STK33: variants seen among roughly 807,000 people sequenced by gnomAD.
STK33 encodes the protein serine/threonine-protein kinase 33.
A neutral mutation model predicts 58.0 loss-of-function variants in STK33; 52 were observed. The observed-to-expected ratio is 0.90, with a 90% confidence interval of 0.72 to 1.13. STK33 has a LOEUF of 1.13. Among genes scored for constraint, STK33 ranks in the 50% most tolerant of loss-of-function variants. The pLI, the probability that STK33 is intolerant of heterozygous loss-of-function variation, is 0.00. For synonymous variants in STK33, 215 were observed against 200.1 expected (o/e 1.07, Z -0.63); for missense variants, 630 against 604.2 (o/e 1.04, Z -0.45).
chr11:8,435,492 A>G lies in STK33; in HGVS notation c.1146+2T>C, dbSNP rs958782785. ...AAAGAAAAAAGTAATATTGTAACTTACTGTTAACCACTGGTTATCTAGTAG... is the reference window on the plus strand; with the variant it reads ...AAAGAAAAAAGTAATATTGTAACTTGCTGTTAACCACTGGTTATCTAGTAG... On this transcript the variant is annotated splice_donor_variant, in intron 14 of 15. Coordinates refer to ENST00000687296, the MANE Select transcript of STK33 (RefSeq NM_001352389.2). LOFTEE classifies it high-confidence loss of function. 5.0e-6 allele frequency: 7 copies of G among 1,411,842 alleles called. No individual in the cohort carries two copies. Among genetic ancestry groups the G allele is most frequent in the Non-Finnish European group, 5.7e-6 (6 of 1,060,622 alleles). 87.5% of individuals were successfully genotyped at this position (1,411,842 alleles called of 1,614,324 possible). A position where few individuals can be genotyped will look rare whatever the true frequency, so the allele number is the denominator to read the frequency against.
intron 1 of STK33, among the ~76,000 whole-genome samples, chr11:8,578,988 G>T (rs888058436): frequency 2.0e-5 from 3 of 151,980 alleles, no homozygotes; most frequent in Admixed American, 2.0e-4. Flanking sequence ...CAGAGTACCT[G>T]GCAATTATTA....
chr11:8,538,588 C>T (rs188484375), intron 1 of STK33, among the ~76,000 whole-genome samples: 2 of 152,084 alleles, frequency 1.3e-5, no homozygotes, highest in Non-Finnish European at 2.9e-5. Context: ...TTTGTTGCCA[C>T]TAACTAAAGA....
At chr11:8,419,751 C>T (rs747094725) in intron 14 of STK33, among the ~76,000 whole-genome samples, 1 of 151,786 alleles carries the variant, frequency 6.6e-6, no homozygotes, top group African/African-American at 2.4e-5. Context: ...AGAAAATCTT[C>T]CCTATATATT....
chr11:8,465,618 G>C (rs1314283579), intron 6 of STK33: 1 of 152,152 alleles, frequency 6.6e-6, no homozygotes, highest in East Asian at 1.9e-4. Context: ...ATTAACAAGA[G>C]TTTCTGGACC....
chr11:8,436,239 A>G (rs1382986983), intron 12 of STK33, 100 bp from the exon 13 acceptor site: 16 of 615,712 alleles, frequency 2.6e-5, no homozygotes, highest in African/African-American at 3.8e-5. Flanking sequence ...GTTGCTTCAT[A>G]TTTAAGGAAA....
At chr11:8,349,998 G>A in the STK33 span, among the ~76,000 whole-genome samples, 2 of 152,272 alleles carry the variant, frequency 1.3e-5, no homozygotes, top group African/African-American at 4.8e-5. Context: ...TAGGCCAAGA[G>A]GATCAGCTGT....
chr11:8,468,823 G>A (rs1374200194), intron 6 of STK33, among the ~76,000 whole-genome samples: 1 of 152,124 alleles, frequency 6.6e-6, no homozygotes, highest in East Asian at 1.9e-4. Context: ...GAGATATTGT[G>A]TATTCAGTTC....
At chr11:8,408,042 G>A (rs1045903344) in intron 15 of STK33, among the ~76,000 whole-genome samples, 2 of 151,786 alleles carry the variant, frequency 1.3e-5, no homozygotes, top group Non-Finnish European at 2.9e-5. Flanking sequence ...GGAAAGAAGA[G>A]TATCAGAAAT....
chr11:8,554,197 A>T (rs1217489425), intron 1 of STK33, among the ~76,000 whole-genome samples: 1 of 152,106 alleles, frequency 6.6e-6, no homozygotes, highest in Non-Finnish European at 1.5e-5. Flanking sequence ...AGGCAGGTGG[A>T]CTACGAGGTC....
At chr11:8,358,136 TCTC>T in the STK33 span, among the ~76,000 whole-genome samples, 1 of 152,176 alleles carries the variant, frequency 6.6e-6, no homozygotes. Flanking sequence ...CACTGGGCCT[TCTC>T]CTGCACTTCC....
At chr11:8,414,439 C>G (rs921957553) in intron 14 of STK33, among the ~76,000 whole-genome samples, 1 of 151,716 alleles carries the variant, frequency 6.6e-6, no homozygotes, top group African/African-American at 2.4e-5. Context: ...AAAATTTAGA[C>G]AAAAAAATGG....
Position 8,425,691 on chromosome 11 carries a change from A to T in STK33, c.1146+9803T>A, listed in dbSNP as rs377594126. Among the ~76,000 whole-genome samples, 395 of 152,296 alleles carry T rather than the reference A, an allele frequency of 2.6e-3. 2 individuals are homozygous for T. Among genetic ancestry groups the T allele is most frequent in the African/African-American group, 9.0e-3 (374 of 41,556 alleles). ...ATAAATAGTAGAGAGCTAGATTTTT[A>T]AAAAATTCAATTAGACAATATACCT... is the stretch of plus-strand genomic sequence containing the variant. On this transcript the variant is annotated intron_variant, in intron 14 of 15. Coordinates refer to ENST00000687296, the MANE Select transcript of STK33 (RefSeq NM_001352389.2).
At chr11:8,534,931 A>T (rs918163038) in intron 1 of STK33, among the ~76,000 whole-genome samples, 2 of 152,184 alleles carry the variant, frequency 1.3e-5, no homozygotes, top group African/African-American at 4.8e-5. Flanking sequence ...TAAAATGTTT[A>T]GGAATAAAAA....
chr11:8,456,088 T>C (rs996874128), intron 9 of STK33, among the ~76,000 whole-genome samples: 1 of 152,240 alleles, frequency 6.6e-6, no homozygotes, highest in Non-Finnish European at 1.5e-5. Context: ...TGGCTATTTT[T>C]ACCCATTTGA....
the STK33 span, among the ~76,000 whole-genome samples, chr11:8,342,512 A>G: frequency 6.6e-6 from 1 of 152,196 alleles, no homozygotes; most frequent in African/African-American, 2.4e-5. Flanking sequence ...CAGGTTGTTC[A>G]TTGACTTCTC....
At chr11:8,572,961 T>C (rs1169023156) in intron 1 of STK33, among the ~76,000 whole-genome samples, 1 of 152,084 alleles carries the variant, frequency 6.6e-6, no homozygotes, top group Non-Finnish European at 1.5e-5. Context: ...ACTTTTTTTT[T>C]CTGCTTTCCA....
At chr11:8,391,098 G>C (rs1478035955), downstream of STK33, among the ~76,000 whole-genome samples, 1 of 152,108 alleles carries the variant, frequency 6.6e-6, no homozygotes, top group Non-Finnish European at 1.5e-5. Context: ...GGAAGGGAAG[G>C]CTCCACTTAG....
At position 8,413,491 on chromosome 11, in the gene STK33, CT is replaced by C. The variant is rs1298529112; in HGVS notation, c.1344+3del. The C allele has an allele frequency of 1.2e-6, 2 of 1,613,772 alleles. No homozygotes were observed. Among genetic ancestry groups the C allele is most frequent in the Non-Finnish European group, 1.7e-6 (2 of 1,179,784 alleles). On this transcript the variant is annotated splice_donor_region_variant and intron_variant, in intron 15 of 15. Transcript: ENST00000687296. Reference sequence around the variant, plus strand: ...GGGAGAAATGCAGCAATGATTCTTCCTACCTGTTTTTCCTCCTCTTCATCTG... The same window carrying C: ...GGGAGAAATGCAGCAATGATTCTTCCACCTGTTTTTCCTCCTCTTCATCTG...
At chr11:8,549,859 C>CTCTCTTTTT in intron 1 of STK33, among the ~76,000 whole-genome samples, 1 of 152,104 alleles carries the variant, frequency 6.6e-6, no homozygotes, top group Middle Eastern at 3.4e-3. Context: ...TTTGGGTCTT[C>CTCTCTTTTT]TCTCTTTTTT....
Sources: allele counts gnomAD v4.1 joint callset (sites outside exome capture counted in the v4.1 genomes callset), GRCh38; gene constraint gnomAD v4.1.1; transcripts MANE v1.5; gene names NCBI Gene and HGNC (gene_info 2026-07-23, HGNC 2026-07-21).